The following SEMA3D variants were observed in gnomAD, a reference collection of about 807,000 sequenced individuals.
The protein encoded by SEMA3D is semaphorin-3D.
Under a neutral mutation model 100.1 loss-of-function variants are expected in SEMA3D, and 84 were observed. That is an observed-to-expected ratio of 0.84 (90% CI 0.70 to 1.01). The LOEUF (loss-of-function observed/expected upper bound fraction) is 1.01, where lower values mean the gene tolerates loss of function less well. Among genes scored for constraint, SEMA3D ranks in the 50% least tolerant of loss-of-function variants. The probability of loss-of-function intolerance (pLI) is 0.00; values close to 1 mark genes in which losing one functional copy is unlikely to be tolerated. For missense variants in SEMA3D, 875 were observed against 934.1 expected (o/e 0.94, Z 0.82); for synonymous variants, 312 against 320.7 (o/e 0.97, Z 0.29).
At chr7:85,037,505 TTATTTAAA>T (rs1292855437) in intron 11 of SEMA3D, among the ~76,000 whole-genome samples, 1 of 152,166 alleles carries the variant, frequency 6.6e-6, no homozygotes, top group African/African-American at 2.4e-5. Context: ...TTAAAAAGAA[TTATTTAAA>T]TATTTGAATA....
intron 2 of SEMA3D, among the ~76,000 whole-genome samples, chr7:85,139,835 C>G (rs1789990482): frequency 7.2e-6 from 1 of 138,202 alleles, no homozygotes; most frequent in African/African-American, 2.8e-5. Flanking sequence ...GATGTACATT[C>G]TATTTCTCTA....
Position 85,112,860 on chromosome 7 carries a change from T to C in SEMA3D, c.151+8881A>G, listed in dbSNP as rs1044069896. 8.5e-5 allele frequency among the ~76,000 whole-genome samples: 13 copies of C among 152,290 alleles called. 1 individual carries two copies. In the East Asian group the frequency reaches 2.3e-3, roughly 27 times the overall value. ...TTTGTCTCCCTAACTGAAAAATAAG[T>C]TCAAATGAGACAATGACTTTTATCT... On this transcript the variant is annotated intron_variant, in intron 3 of 18. Coordinates refer to ENST00000284136, the MANE Select transcript of SEMA3D (RefSeq NM_001384900.1).
the SEMA3D span, among the ~76,000 whole-genome samples, chr7:85,217,850 ATTG>A: frequency 6.6e-6 from 1 of 152,092 alleles, no homozygotes; most frequent in South Asian, 2.1e-4. Flanking sequence ...TCATTAAATT[ATTG>A]TTGTTATCAT....
chr7:85,018,282 G>T lies in SEMA3D; in HGVS notation c.1515C>A (p.Ile505=). Reference sequence around the variant, plus strand: ...TCAGAGACAATTCCATGTTCAAGATGATTGATGAGTGCTGAAAATAGAAGT... The same window carrying T: ...TCAGAGACAATTCCATGTTCAAGATTATTGATGAGTGCTGAAAATAGAAGT... ...EELQIFKHSS[I]ILNMELSLKQ... is the part of the protein sequence containing the mutation. Residue 505 remains isoleucine, a synonymous_variant, in exon 15 of 19, where the codon ATC becomes ATA. Coordinates refer to ENST00000284136, the MANE Select transcript of SEMA3D (RefSeq NM_001384900.1). 1 of 1,591,834 alleles carries T rather than the reference G, an allele frequency of 6.3e-7. No individual in the cohort carries two copies. The highest frequency in any genetic ancestry group is 1.7e-4 in the Middle Eastern group (1 of 5,938).
At chr7:85,178,996 G>C (rs575622224) in intron 1 of SEMA3D, among the ~76,000 whole-genome samples, 2 of 152,296 alleles carry the variant, frequency 1.3e-5, no homozygotes, top group East Asian at 3.9e-4. Flanking sequence ...ATGTGGTGTT[G>C]GTCCTGCAGG....
At chr7:85,152,535 A>T (rs1288484811) in intron 2 of SEMA3D, among the ~76,000 whole-genome samples, 2 of 152,132 alleles carry the variant, frequency 1.3e-5, no homozygotes, top group African/African-American at 4.8e-5. Flanking sequence ...GAAAAATGAG[A>T]GCTATTAATT....
At chr7:85,135,528 G>A (rs982103788) in intron 2 of SEMA3D, among the ~76,000 whole-genome samples, 5 of 151,754 alleles carry the variant, frequency 3.3e-5, no homozygotes, top group Non-Finnish European at 7.4e-5. Flanking sequence ...GAGGGGGAGG[G>A]AAAGCATTAG....
At chr7:85,048,523 G>A (rs1336871617) in intron 9 of SEMA3D, among the ~76,000 whole-genome samples, 1 of 151,766 alleles carries the variant, frequency 6.6e-6, no homozygotes, top group East Asian at 1.9e-4. Context: ...TTACTATATT[G>A]TGAAGATCTT....
At chr7:85,172,221 T>C (rs1583988248) in intron 1 of SEMA3D, among the ~76,000 whole-genome samples, 2 of 152,012 alleles carry the variant, frequency 1.3e-5, no homozygotes, top group Admixed American at 6.6e-5. Context: ...GTAATTCTTA[T>C]GTATCCTATC....
chr7:85,218,918 A>G, the SEMA3D span, among the ~76,000 whole-genome samples: 2 of 152,176 alleles, frequency 1.3e-5, no homozygotes, highest in African/African-American at 4.8e-5. Context: ...AGGGATATGC[A>G]TATTTAATGT....
At chr7:85,188,435 C>T (rs557187394), upstream of SEMA3D, among the ~76,000 whole-genome samples, 21 of 152,156 alleles carry the variant, frequency 1.4e-4, no homozygotes, top group South Asian at 4.1e-3. Flanking sequence ...TTTCTGAATG[C>T]TTTATATTTA....
At chr7:85,120,518 AT>A (rs1259987427) in intron 3 of SEMA3D, among the ~76,000 whole-genome samples, 1 of 151,862 alleles carries the variant, frequency 6.6e-6, no homozygotes, top group Non-Finnish European at 1.5e-5. Flanking sequence ...AGATACAAAA[AT>A]TAACCAAGCA....
At chr7:85,247,240 C>A in the SEMA3D span, among the ~76,000 whole-genome samples, 3 of 152,020 alleles carry the variant, frequency 2.0e-5, no homozygotes, top group Non-Finnish European at 4.4e-5. Context: ...TTCACCTAAG[C>A]TTTTCCCCAG....
intron 12 of SEMA3D, chr7:85,027,748 G>A (rs1368828011): frequency 3.4e-5 from 12 of 352,302 alleles, no homozygotes; most frequent in Non-Finnish European, 6.5e-5. Context: ...ATTAAACAAG[G>A]GTCTCATTGA....
the SEMA3D span, among the ~76,000 whole-genome samples, chr7:85,216,356 G>C: frequency 3.7e-5 from 4 of 107,642 alleles, no homozygotes; most frequent in Non-Finnish European, 7.4e-5. Context: ...AAATAAGAGT[G>C]TTGTGTGTGT....
At chr7:85,236,131 A>T in the SEMA3D span, among the ~76,000 whole-genome samples, 2 of 151,910 alleles carry the variant, frequency 1.3e-5, no homozygotes, top group African/African-American at 4.8e-5. Context: ...TTCAGATACC[A>T]AATGAGCTAC....
intron 9 of SEMA3D, among the ~76,000 whole-genome samples, chr7:85,049,023 T>C (rs1342394177): frequency 6.6e-6 from 1 of 151,856 alleles, no homozygotes; most frequent in African/African-American, 2.4e-5. Flanking sequence ...AAAGTTTTTT[T>C]TTCCCACTTC....
intron 3 of SEMA3D, among the ~76,000 whole-genome samples, chr7:85,106,390 C>T (rs1583929029): frequency 6.6e-6 from 1 of 151,992 alleles, no homozygotes; most frequent in South Asian, 2.1e-4. Context: ...ATTATTGACT[C>T]CAAGTAATAG....
intron 1 of SEMA3D, among the ~76,000 whole-genome samples, chr7:85,182,021 A>T (rs1791424180): frequency 6.6e-6 from 1 of 152,144 alleles, no homozygotes; most frequent in Admixed American, 6.5e-5. Context: ...TTTCAAAATA[A>T]TCTCAAAAGT....
Sources: allele counts gnomAD v4.1 joint callset (sites outside exome capture counted in the v4.1 genomes callset), GRCh38; gene constraint gnomAD v4.1.1; transcripts MANE v1.5; gene names NCBI Gene and HGNC (gene_info 2026-07-23, HGNC 2026-07-21).